Variants in TTC13 observed in about 807,000 individuals in gnomAD.
The protein encoded by TTC13 is tetratricopeptide repeat domain 13.
In TTC13, 62 loss-of-function variants were observed where a neutral mutation model predicts 120.0. That is an observed-to-expected ratio of 0.52 (90% confidence interval 0.42 to 0.64). TTC13 has a LOEUF of 0.64. Ranked by LOEUF, TTC13 falls within the 30% of genes least tolerant of loss-of-function variation. The probability of loss-of-function intolerance (pLI) is 0.00; values close to 1 mark genes in which losing one functional copy is unlikely to be tolerated. For missense variants in TTC13, 824 were observed against 1,050.2 expected (o/e 0.78, Z 2.98); for synonymous variants, 384 against 393.5 (o/e 0.98, Z 0.28).
chr1:230,968,143 TTC>T (rs138052901), intron 1 of TTC13, among the ~76,000 whole-genome samples: 33,707 of 145,626 alleles, frequency 0.23, 4,383 homozygotes, highest in Admixed American at 0.34. Context: ...TATTTTATTC[TTC>T]TTTTTTTTAT....
At chr1:230,923,985 T>C (rs1297146057) in intron 14 of TTC13, 52 bp from the exon 15 acceptor site, 15 of 1,436,594 alleles carry the variant, frequency 1.0e-5, no homozygotes, top group Non-Finnish European at 1.4e-5. Flanking sequence ...GCATTCCAAA[T>C]AAAACATGTA....
In TTC13 at chr1:230,978,689, G is replaced by A. The variant is rs1256179900; in HGVS notation, c.142C>T (p.His48Tyr). 1.3e-6 allele frequency: 2 copies of A among 1,489,322 alleles called. No individual in the cohort carries two copies. The highest frequency in any genetic ancestry group is 2.9e-5 in the African/African-American group (2 of 68,274). The allele number at this position is 1,489,322 out of a possible 1,614,324, so 92.3% of individuals were successfully genotyped here. A position where few individuals can be genotyped will look rare whatever the true frequency, so the allele number is the denominator to read the frequency against. ...TTGAGCAGGGAGAGCGGCGAGTAGT[G>A]CTCGGTGGCCAGGGCGCCTGGCCGC... ...GLRPGALATE[H>Y]YSPLSLLKQE... Residue 48 changes from histidine (H) to tyrosine (Y), a missense_variant, in exon 1 of 23, where the codon CAC becomes TAC. By Grantham distance (83) the His-to-Tyr change is moderately conservative. Around this residue, in one of 4 missense-constraint regions of TTC13, gnomAD observed 160 missense variants for 137.2 expected, o/e 1.17. Transcript: ENST00000366661. This position sits in a 1 kb window ranked among gnomAD's most constrained non-coding sequence, Gnocchi z 5.6.
rs577954914 is a variant in TTC13 at position 230,978,796 on chromosome 1, A to AAGCAGCAGCAGCAGC, written c.20_34dup (p.Cys7_Cys11dup). The AAGCAGCAGCAGCAGC allele has an allele frequency of 2.0e-6, 3 of 1,495,984 alleles. No homozygotes were observed. The highest frequency in any genetic ancestry group is 2.9e-5 in the African/African-American group (2 of 68,704). The allele number at this position is 1,495,984 out of a possible 1,614,324, so 92.7% of individuals were successfully genotyped here. A position where few individuals can be genotyped will look rare whatever the true frequency, so the allele number is the denominator to read the frequency against. On this transcript the variant is annotated inframe_insertion, in exon 1 of 23. Coordinates refer to ENST00000366661, the MANE Select transcript of TTC13 (RefSeq NM_024525.5). This position sits in a 1 kb window ranked among gnomAD's most constrained non-coding sequence, Gnocchi z 5.6. ...CGCGGCGGCCACAGCGCCGCCCCAGAAGCAGCAGCAGCAGCAGCAGCCGGC... is the reference window on the plus strand; with the variant it reads ...CGCGGCGGCCACAGCGCCGCCCCAGAAGCAGCAGCAGCAGCAGCAGCAGCAGCAGCAGCAGCCGGC...
At chr1:230,927,204 C>G (rs942287668) in intron 12 of TTC13, among the ~76,000 whole-genome samples, 1 of 152,120 alleles carries the variant, frequency 6.6e-6, no homozygotes, top group African/African-American at 2.4e-5. Context: ...GTATAAATCT[C>G]TCCTGGTAGA....
At chr1:230,915,676 T>A (rs1671945650) in intron 18 of TTC13, among the ~76,000 whole-genome samples, 1 of 152,188 alleles carries the variant, frequency 6.6e-6, no homozygotes, top group African/African-American at 2.4e-5. Flanking sequence ...CCTCAGTTTT[T>A]AAAGAAAATA....
chr1:230,933,265 T>A (rs942345675), intron 9 of TTC13, among the ~76,000 whole-genome samples: 1 of 151,208 alleles, frequency 6.6e-6, no homozygotes, highest in Non-Finnish European at 1.5e-5. Flanking sequence ...GAGCCACCGC[T>A]CCCGGCTTAC....
At chr1:230,916,428 G>A in intron 17 of TTC13, 126 bp from the exon 18 acceptor site, 1 of 750,216 alleles carries the variant, frequency 1.3e-6, no homozygotes, top group Non-Finnish European at 2.3e-6. Flanking sequence ...TCTGATACAA[G>A]AGATGGTGGC....
chr1:230,916,425 C>T, intron 17 of TTC13, 123 bp from the exon 18 acceptor site: 1 of 761,436 alleles, frequency 1.3e-6, no homozygotes, highest in South Asian at 1.5e-5. Context: ...TCATCTGATA[C>T]AAGAGATGGT....
rs1226800992 is a variant in TTC13, at chr1:230,939,502, A to G, written c.790-6T>C. On this transcript the variant is annotated splice_region_variant and splice_polypyrimidine_tract_variant and intron_variant, in intron 7 of 22. Coordinates refer to ENST00000366661, the MANE Select transcript of TTC13 (RefSeq NM_024525.5). Reference sequence around the variant, plus strand: ...TCATGGGCTGTTGCATAGTCCTACAAAAAGGAGAGTGGGGGGAAAAATAAA... The same window carrying G: ...TCATGGGCTGTTGCATAGTCCTACAGAAAGGAGAGTGGGGGGAAAAATAAA... The G allele has an allele frequency of 1.9e-6, 3 of 1,578,056 alleles. No individual in the cohort carries two copies. In the East Asian group the frequency reaches 6.7e-5, roughly 35 times the overall value.
intron 21 of TTC13, 54 bp from the exon 22 acceptor site, chr1:230,908,845 G>A: frequency 6.2e-7 from 1 of 1,604,678 alleles, no homozygotes; most frequent in South Asian, 1.1e-5. Context: ...CACAGGCTCG[G>A]CTGGAGATCT....
At chr1:230,955,245 A>T (rs543639990) in intron 3 of TTC13, among the ~76,000 whole-genome samples, 3 of 152,240 alleles carry the variant, frequency 2.0e-5, no homozygotes, top group Admixed American at 1.3e-4. Context: ...GATAACATTT[A>T]TTTGCAAAAA....
At chr1:230,973,063 T>C (rs954856521) in intron 1 of TTC13, among the ~76,000 whole-genome samples, 2 of 152,186 alleles carry the variant, frequency 1.3e-5, no homozygotes, top group African/African-American at 4.8e-5. Context: ...CATGAAACTA[T>C]GTATGATGAC....
chr1:230,924,762 T>G, intron 14 of TTC13, 79 bp downstream of exon 14: 1 of 1,543,280 alleles, frequency 6.5e-7, no homozygotes, highest in East Asian at 2.3e-5. Context: ...ACAGGGTTCA[T>G]AGCCTGTTAG....
At chr1:230,950,573 G>A (rs578028960) in intron 4 of TTC13, among the ~76,000 whole-genome samples, 4 of 152,194 alleles carry the variant, frequency 2.6e-5, no homozygotes, top group Non-Finnish European at 4.4e-5. Context: ...CAAACAAGTC[G>A]AAACAGTCAG....
chr1:230,962,969 G>A (rs1676781244), intron 1 of TTC13, among the ~76,000 whole-genome samples: 1 of 152,252 alleles, frequency 6.6e-6, no homozygotes, highest in East Asian at 1.9e-4. Context: ...AATGAGTAAG[G>A]GGTTTTATTT....
Position 230,920,563 on chromosome 1 carries a change from G to C in TTC13, c.1930C>G (p.Arg644Gly). The C allele has an allele frequency of 6.3e-7, 1 of 1,597,496 alleles. No individual in the cohort carries two copies. Among genetic ancestry groups the C allele is most frequent in the Non-Finnish European group, 8.5e-7 (1 of 1,173,990 alleles). ...ANNPKGLLEV[R>G]EALEKVHKVE... is the part of the protein sequence containing the mutation. ...TTGTGTACCTTTTCCAGGGCTTCCCGAACTTCCAGCAATCCTTTAGGATTA... is the reference window on the plus strand; with the variant it reads ...TTGTGTACCTTTTCCAGGGCTTCCCCAACTTCCAGCAATCCTTTAGGATTA... The change falls in exon 17 of 23, where the codon CGG becomes GGG. Residue 644 changes from arginine to glycine, a missense_variant. Physicochemically the swap from Arg to Gly is moderately radical, Grantham distance 125 (BLOSUM62 -2). This residue lies in a region of TTC13 where 226 missense variants were observed against 259.1 expected (regional missense o/e 0.87). Transcript: ENST00000366661.
chr1:230,968,636 G>C (rs974081739), intron 1 of TTC13, among the ~76,000 whole-genome samples: 1 of 152,114 alleles, frequency 6.6e-6, no homozygotes, highest in Non-Finnish European at 1.5e-5. Flanking sequence ...AGCAGCCATC[G>C]GGTTGAAATA....
At chr1:230,957,359 G>C (rs545652120) in intron 3 of TTC13, among the ~76,000 whole-genome samples, 1 of 152,102 alleles carries the variant, frequency 6.6e-6, no homozygotes, top group African/African-American at 2.4e-5. Flanking sequence ...AAGATCATTC[G>C]AGCCTAGTTT....
chr1:230,925,215 G>A (rs1466646537), intron 13 of TTC13, among the ~76,000 whole-genome samples: 3 of 152,182 alleles, frequency 2.0e-5, no homozygotes, highest in Non-Finnish European at 4.4e-5. Flanking sequence ...GAAACAAGTG[G>A]AGGTTTGCAT....
Sources: gnomAD v4.1 joint callset for allele counts (sites outside exome capture counted in the v4.1 genomes callset) on GRCh38, gnomAD v4.1.1 for gene constraint, gnomAD v4.1.1 regional missense constraint, Gnocchi (gnomAD v3.1) non-coding constraint, MANE v1.5 for transcripts, NCBI Gene and HGNC (gene_info 2026-07-23, HGNC 2026-07-21) for gene names.